Variants in WWTR1 observed in about 807,000 individuals in gnomAD.
WWTR1 encodes the protein WW domain containing transcription regulator 1.
In WWTR1, 13 loss-of-function variants were observed where a neutral mutation model predicts 40.1. The ratio of observed to expected loss-of-function variants is 0.32; its 90% CI spans 0.21 to 0.52. WWTR1 has a LOEUF of 0.52. WWTR1 is among the 20% of genes least tolerant of loss of function. WWTR1 has a pLI of 0.97. For missense variants in WWTR1, 436 were observed against 523.1 expected, an observed-to-expected ratio of 0.83 and a Z score of 1.63; for synonymous variants, 230 against 210.1, an observed-to-expected ratio of 1.09 and a Z score of -0.82.
Position 149,668,469 on chromosome 3 carries a change from A to G in WWTR1, c.-4+1319T>C, listed in dbSNP as rs553029663. On this transcript the variant is annotated intron_variant, in intron 2 of 7. Coordinates refer to the WWTR1 transcript ENST00000465804. The stretch of plus-strand genomic sequence containing the variant: ...TAAAAATACAAAAAATTAGCCGGGC[A>G]TGGTGGCGGGCGCCTGTAATCCCAG... Among the ~76,000 whole-genome samples, 515 of 152,122 alleles carry G rather than the reference A, an allele frequency of 3.4e-3. 1 individual carries two copies. Among genetic ancestry groups the G allele is most frequent in the African/African-American group, 0.011 (463 of 41,498 alleles).
At chr3:149,692,507 C>T (rs573606316) in intron 1 of WWTR1, among the ~76,000 whole-genome samples, 8 of 152,220 alleles carry the variant, frequency 5.3e-5, no homozygotes, top group African/African-American at 7.2e-5. Flanking sequence ...TACCTCAACA[C>T]GATAAAAGCC....
At chr3:149,684,519 CTA>C (rs1714566753) in intron 1 of WWTR1, among the ~76,000 whole-genome samples, 1 of 151,836 alleles carries the variant, frequency 6.6e-6, no homozygotes, top group Non-Finnish European at 1.5e-5. Flanking sequence ...TCTTCTCAGT[CTA>C]TGTGATCCTT....
At chr3:149,667,348 T>A (rs763475671) in intron 2 of WWTR1, among the ~76,000 whole-genome samples, 54 of 151,746 alleles carry the variant, frequency 3.6e-4, no homozygotes, top group Non-Finnish European at 1.8e-4. Context: ...GAGATTGAGA[T>A]CATCCTGGCT....
At chr3:149,654,842 G>C (rs528615995) in intron 2 of WWTR1, among the ~76,000 whole-genome samples, 1 of 152,080 alleles carries the variant, frequency 6.6e-6, no homozygotes, top group African/African-American at 2.4e-5. Context: ...GTAGGGCTGG[G>C]GCCAGGCGTG....
At chr3:149,606,883 T>C (rs1468589061) in intron 2 of WWTR1, among the ~76,000 whole-genome samples, 1 of 152,206 alleles carries the variant, frequency 6.6e-6, no homozygotes, top group East Asian at 1.9e-4. Flanking sequence ...GTGAAAGACC[T>C]GAAGTCAGAT....
chr3:149,642,332 A>T (rs1712216808), intron 2 of WWTR1, among the ~76,000 whole-genome samples: 1 of 151,908 alleles, frequency 6.6e-6, no homozygotes, highest in African/African-American at 2.4e-5. Context: ...AGGCAGGAGA[A>T]TTGCTTGAAC....
chr3:149,535,189 T>C lies in WWTR1; in HGVS notation c.771+7146A>G, dbSNP rs143167169. ...CCAGGGACTCTACAAACATGGAAGA[T>C]TGGATTGTTTTAATTATAAAGGGTG... On this transcript the variant is annotated intron_variant, in intron 4 of 6. Coordinates refer to ENST00000360632, the MANE Select transcript of WWTR1 (RefSeq NM_015472.6). Among the ~76,000 whole-genome samples, 152 of 151,666 alleles carry C rather than the reference T, an allele frequency of 1.0e-3. No homozygotes were observed. In the East Asian group the frequency reaches 0.015, roughly 15 times the overall value.
At chr3:149,581,335 C>T (rs1358809077) in intron 2 of WWTR1, among the ~76,000 whole-genome samples, 1 of 150,936 alleles carries the variant, frequency 6.6e-6, no homozygotes, top group Non-Finnish European at 1.5e-5. Context: ...GAGTTTAAAC[C>T]CCAAAGCTAT....
At chr3:149,566,674 T>C (rs1009585902) in intron 3 of WWTR1, among the ~76,000 whole-genome samples, 2 of 152,236 alleles carry the variant, frequency 1.3e-5, no homozygotes, top group Admixed American at 6.5e-5. Flanking sequence ...AGGGCTTCGA[T>C]ATCCCTTAGC....
chr3:149,615,439 GGCA>G lies in WWTR1; in HGVS notation c.431+41434_431+41436del, dbSNP rs1363060009. Among the ~76,000 whole-genome samples the G allele has an allele frequency of 3.9e-5, 6 of 152,250 alleles. No homozygotes were observed. The East Asian group carries it at 9.6e-4, about 24-fold the overall frequency. On this transcript the variant is annotated intron_variant, in intron 2 of 6. Coordinates refer to ENST00000360632, the MANE Select transcript of WWTR1 (RefSeq NM_015472.6). ...AGGAAGGGGATCAATGAATAAGAAT[GGCA>G]GAATGTGGACGATTGCTGAAGTGGA...
In WWTR1 at chr3:149,573,468, G is replaced by C. The variant is rs571020888; in HGVS notation, c.432-468C>G. Among the ~76,000 whole-genome samples the C allele has an allele frequency of 7.9e-5, 12 of 152,194 alleles. No individual in the cohort carries two copies. The East Asian group carries it at 1.6e-3, about 20-fold the overall frequency. ...CTTTGGCTGTCATCAAGCAAAAGAT[G>C]GGCCCATGAAACCAGCTTCTGAACA... On this transcript the variant is annotated intron_variant, in intron 2 of 6. Coordinates refer to ENST00000360632, the MANE Select transcript of WWTR1 (RefSeq NM_015472.6).
intron 1 of WWTR1, among the ~76,000 whole-genome samples, chr3:149,672,284 G>A (rs79198699): frequency 0.015 from 2,246 of 152,196 alleles, 53 homozygotes; most frequent in South Asian, 0.087. Flanking sequence ...TCGTGTAGCT[G>A]GTAGAAGGAG....
Position 149,689,564 on chromosome 3 carries a change from C to T in WWTR1, c.-108+13560G>A, listed in dbSNP as rs114311149. ...GAGTTCCAGTGGGAACCTTGCAGGC[C>T]GGGAAACAATGGCATGACATATTTA... On this transcript the variant is annotated intron_variant, in intron 1 of 7. Transcript: ENST00000465804. Among the ~76,000 whole-genome samples, 827 of 151,636 alleles carry T rather than the reference C, an allele frequency of 5.5e-3. 4 individuals carry two copies. Among genetic ancestry groups the T allele is most frequent in the Non-Finnish European group, 9.4e-3 (639 of 67,896 alleles).
intron 3 of WWTR1, among the ~76,000 whole-genome samples, chr3:149,566,929 C>T (rs951562376): frequency 1.3e-5 from 2 of 151,880 alleles, no homozygotes; most frequent in Non-Finnish European, 2.9e-5. Context: ...TAAGTAAGTG[C>T]GTGTGTGTGC....
chr3:149,656,783 T>TCACACACA (rs1393422646), intron 2 of WWTR1, 93 bp downstream of exon 2: 33 of 892,876 alleles, frequency 3.7e-5, no homozygotes, highest in East Asian at 1.3e-4. Context: ...TCTCTCTCTC[T>TCACACACA]CTCTCTCTCA....
intron 3 of WWTR1, among the ~76,000 whole-genome samples, chr3:149,547,605 A>G (rs1302190211): frequency 6.6e-6 from 1 of 152,154 alleles, no homozygotes; most frequent in Non-Finnish European, 1.5e-5. Flanking sequence ...GACTGCCACA[A>G]ACTGCCTCAA....
rs115599363 is a variant in WWTR1, at chr3:149,570,843, G to A, written c.568+2021C>T. On this transcript the variant is annotated intron_variant, in intron 3 of 6. Transcript: ENST00000360632. ...TTAATTAGTCCACTTCCTACATATCGCACAAATTTTAAAAATTAAGGAGAA... is the reference window on the plus strand; with the variant it reads ...TTAATTAGTCCACTTCCTACATATCACACAAATTTTAAAAATTAAGGAGAA... Among the ~76,000 whole-genome samples the A allele has an allele frequency of 7.1e-3, 1,072 of 151,938 alleles. 5 individuals carry two copies. The highest frequency in any genetic ancestry group is 0.011 in the Non-Finnish European group (761 of 67,976).
chr3:149,640,329 CT>C (rs943631471), intron 2 of WWTR1, among the ~76,000 whole-genome samples: 78 of 152,296 alleles, frequency 5.1e-4, no homozygotes, highest in African/African-American at 1.9e-3. Context: ...TCTTAAAGAA[CT>C]TTTTGAAAGT....
intron 3 of WWTR1, among the ~76,000 whole-genome samples, chr3:149,543,562 CAAAG>C: frequency 4.0e-5 from 1 of 24,960 alleles, no homozygotes; most frequent in African/African-American, 1.5e-4. Context: ...AGCCTGGTGA[CAAAG>C]AAAGACTCTG....
Sources: allele counts gnomAD v4.1 joint callset (sites outside exome capture counted in the v4.1 genomes callset), GRCh38; gene constraint gnomAD v4.1.1; transcripts MANE v1.5; gene names NCBI Gene and HGNC (gene_info 2026-07-23, HGNC 2026-07-21).